The following NUTM1 variants were observed in gnomAD, a reference collection of about 807,000 sequenced individuals.
The protein encoded by NUTM1 is NUT family member 1.
Under a neutral mutation model 88.7 loss-of-function variants are expected in NUTM1, and 39 were observed. The observed-to-expected ratio is 0.44, with a 90% CI of 0.34 to 0.57. The LOEUF is 0.57. Among genes scored for constraint, NUTM1 ranks in the 20% least tolerant of loss-of-function variants. NUTM1 has a pLI of 0.01. For synonymous variants in NUTM1, 494 were observed against 538.0 expected (o/e 0.92, Z 1.13); for missense variants, 1,350 against 1,414.5 (o/e 0.95, Z 0.73).
intron 2 of NUTM1, among the ~76,000 whole-genome samples, chr15:34,346,545 G>A (rs1444434058): frequency 2.8e-4 from 3 of 10,716 alleles, no homozygotes; most frequent in Admixed American, 2.0e-3. Flanking sequence ...ATCTGTTGCA[G>A]AGAAATGCCT....
chr15:34,354,712 C>T lies in NUTM1; in HGVS notation c.1342C>T (p.Gln448Ter). The change falls in exon 6 of 8, where the codon CAG (glutamine) becomes TAG (stop). Residue 448 changes from glutamine to a stop codon, truncating the protein, a stop_gained. Transcript: ENST00000537011. LOFTEE classifies it high-confidence loss of function. ...LLSYINELCS[Q>*]KVFVSKVEAV... ...GAGCTACATCAATGAGCTGTGTTCT[C>T]AGAAGGTCTTTGTCTCCAAGGTGAG... The T allele has an allele frequency of 6.2e-7, 1 of 1,614,178 alleles. No homozygotes were observed. Among genetic ancestry groups the T allele is most frequent in the South Asian group, 1.1e-5 (1 of 91,050 alleles).
In NUTM1 at chr15:34,355,218, C is replaced by A; in HGVS notation, c.1479+81C>A. The A allele has an allele frequency of 2.1e-6, 2 of 971,252 alleles. No individual in the cohort carries two copies. Among genetic ancestry groups the A allele is most frequent in the African/African-American group, 1.6e-5 (1 of 62,146 alleles). The allele number at this position is 971,252 out of a possible 1,614,324, so 60.2% of individuals were successfully genotyped here. On this transcript the variant is annotated intron_variant, in intron 7 of 7. Coordinates refer to ENST00000537011, the MANE Select transcript of NUTM1 (RefSeq NM_001284292.2). This position sits in a 1 kb window ranked among gnomAD's most constrained non-coding sequence, Gnocchi z 4.3. Reference sequence around the variant, plus strand: ...CCCTACACTGTCGTGGGTGATATGGCTCTAGAGATGAACAGCTTCAGGATT... The same window carrying A: ...CCCTACACTGTCGTGGGTGATATGGATCTAGAGATGAACAGCTTCAGGATT...
intron 4 of NUTM1, 143 bp from the exon 5 acceptor site, chr15:34,353,593 C>A: frequency 1.2e-6 from 1 of 861,334 alleles, no homozygotes; most frequent in Non-Finnish European, 1.8e-6. Flanking sequence ...CCACCTGTGA[C>A]CACCCTCCTG....
At chr15:34,349,868 A>G (rs347798) in intron 3 of NUTM1, among the ~76,000 whole-genome samples, 147,162 of 152,282 alleles carry the variant, frequency 0.97, 71,340 homozygotes, top group East Asian at 1. Flanking sequence ...TCTTGAACCA[A>G]TGTGGGCTCT....
In NUTM1 at chr15:34,356,287, G is replaced by T; in HGVS notation, c.2279G>T (p.Gly760Val). 6.2e-7 allele frequency: 1 copy of T among 1,613,264 alleles called. No individual in the cohort carries two copies. The highest frequency in any genetic ancestry group is 8.5e-7 in the Non-Finnish European group (1 of 1,179,616). Reference protein sequence around the residue: ...VWLSSEMDAVGLELPVQIEEV... With the variant: ...VWLSSEMDAVVLELPVQIEEV... ...CTGAGCAGTGAGATGGATGCTGTAG[G>T]CTTGGAGCTGCCTGTACAAATAGAG... The change falls in exon 8 of 8, where the codon GGC (glycine) becomes GTC (valine). Residue 760 changes from glycine (G) to valine (V), a missense_variant. Gly to Val is a moderately radical substitution (Grantham distance 109). Around this residue, in one of 5 missense-constraint regions of NUTM1, gnomAD observed 730 missense variants for 728.8 expected, o/e 1.00. Coordinates refer to ENST00000537011, the MANE Select transcript of NUTM1 (RefSeq NM_001284292.2).
At chr15:34,347,622 A>G (rs59336574) in intron 2 of NUTM1, among the ~76,000 whole-genome samples, 19,700 of 152,018 alleles carry the variant, frequency 0.13, 1,430 homozygotes, top group East Asian at 0.33. Flanking sequence ...GGGAGGCCGA[A>G]GCAGGCGGAT....
intron 4 of NUTM1, among the ~76,000 whole-genome samples, chr15:34,352,755 G>C (rs1042029621): frequency 2.0e-5 from 3 of 151,016 alleles, no homozygotes; most frequent in Admixed American, 6.6e-5. Context: ...GCAGTGAGCC[G>C]AGATTGGGCC....
At position 34,348,243 on chromosome 15, in the gene NUTM1, G is replaced by A; in HGVS notation, c.375G>A (p.Gly125=). ...KVIVKVKTEG[G]SAEPSQTQNF... ...TTGTCAAAGTCAAGACAGAAGGGGGGTCAGCTGAGCCCTCTCAAACTCAGA... is the reference window on the plus strand; with the variant it reads ...TTGTCAAAGTCAAGACAGAAGGGGGATCAGCTGAGCCCTCTCAAACTCAGA... The change falls in exon 3 of 8, where the codon GGG becomes GGA. Residue 125 remains glycine (G), a synonymous_variant. Coordinates refer to ENST00000537011, the MANE Select transcript of NUTM1 (RefSeq NM_001284292.2). The A allele has an allele frequency of 1.9e-6, 3 of 1,614,248 alleles. No individual in the cohort carries two copies. Among genetic ancestry groups the A allele is most frequent in the Non-Finnish European group, 2.5e-6 (3 of 1,180,050 alleles).
chr15:34,353,693 G>T, intron 4 of NUTM1, 43 bp from the exon 5 acceptor site: 1 of 1,611,932 alleles, frequency 6.2e-7, no homozygotes, highest in Non-Finnish European at 8.5e-7. Flanking sequence ...GATGGGTCTG[G>T]TCTCCTTCTC....
chr15:34,348,043 C>G lies in NUTM1; in HGVS notation c.175C>G (p.Leu59Val). The G allele has an allele frequency of 6.2e-7, 1 of 1,614,122 alleles. No individual in the cohort carries two copies. The highest frequency in any genetic ancestry group is 8.5e-7 in the Non-Finnish European group (1 of 1,180,020). ...APSPSPALPFLPPTSDPPDHP... is the reference protein window; with the variant it reads ...APSPSPALPFVPPTSDPPDHP... ...GTCTCCATCCCCTGCACTTCCCTTT[C>G]TCCCACCAACTTCTGACCCACCAGA... The change falls in exon 3 of 8, where the codon CTC (leucine) becomes GTC (valine). Residue 59 changes from leucine (L) to valine (V), a missense_variant. By Grantham distance (32) the Leu-to-Val change is conservative. This residue lies in a region of NUTM1 where 399 missense variants were observed against 397.9 expected (regional missense o/e 1.00). Transcript: ENST00000537011.
Position 34,350,786 on chromosome 15 carries a change from C to T in NUTM1, c.892C>T (p.His298Tyr), listed in dbSNP as rs745602904. Residue 298 changes from histidine to tyrosine, a missense_variant, in exon 4 of 8, where the codon CAC (histidine) becomes TAC (tyrosine). This residue lies in a region of NUTM1 where 399 missense variants were observed against 397.9 expected (regional missense o/e 1.00). Coordinates refer to ENST00000537011, the MANE Select transcript of NUTM1 (RefSeq NM_001284292.2). ...GCCATTGGCTGTGCAGGAGTGGGAGCACACCAGCAACTTTGACCGGATGAT... is the reference window on the plus strand; with the variant it reads ...GCCATTGGCTGTGCAGGAGTGGGAGTACACCAGCAACTTTGACCGGATGAT... ...GLPLAVQEWE[H>Y]TSNFDRMIFY... is the part of the protein sequence containing the mutation. The T allele has an allele frequency of 6.2e-7, 1 of 1,614,022 alleles. No individual in the cohort carries two copies. The highest frequency in any genetic ancestry group is 1.3e-5 in the African/African-American group (1 of 75,020).
At position 34,346,014 on chromosome 15, in the gene NUTM1, G is replaced by C; in HGVS notation, c.79G>C (p.Glu27Gln). The change falls in exon 2 of 8, where the codon GAG (glutamate) becomes CAG (glutamine). Residue 27 changes from glutamate to glutamine, a missense_variant. By Grantham distance (29) the Glu-to-Gln change is conservative. Coordinates refer to ENST00000537011, the MANE Select transcript of NUTM1 (RefSeq NM_001284292.2). ...SRQPQLVPKPERMASDGASAL... is the reference protein window; with the variant it reads ...SRQPQLVPKPQRMASDGASAL... ...ACAGCCACAGTTAGTGCCCAAACCT[G>C]AGAGGATGGCTTCAGATGGAGGTAA... 6.2e-7 allele frequency: 1 copy of C among 1,614,222 alleles called. No homozygotes were observed. Among genetic ancestry groups the C allele is most frequent in the Non-Finnish European group, 8.5e-7 (1 of 1,180,042 alleles).
In NUTM1 at chr15:34,356,646, G is replaced by T. The variant is rs757748329; in HGVS notation, c.2638G>T (p.Gly880Trp). 6.2e-7 allele frequency: 1 copy of T among 1,613,780 alleles called. No homozygotes were observed. The highest frequency in any genetic ancestry group is 8.5e-7 in the Non-Finnish European group (1 of 1,179,924). The stretch of plus-strand genomic sequence containing the variant: ...GCTAGAAAGTGGTGATTCCACACTG[G>T]GGTCTTCCAAAGAAACCCTTCCACC... ...PLLESGDSTL[G>W]SSKETLPPTC... The change falls in exon 8 of 8, where the codon GGG becomes TGG. Residue 880 changes from glycine to tryptophan, a missense_variant. Coordinates refer to ENST00000537011, the MANE Select transcript of NUTM1 (RefSeq NM_001284292.2).
At position 34,355,488 on chromosome 15, in the gene NUTM1, C is replaced by T. The variant is rs1292310808; in HGVS notation, c.1480C>T (p.Leu494=). Residue 494 remains leucine, a splice_region_variant and synonymous_variant, in exon 8 of 8, where the codon CTG becomes TTG. Transcript: ENST00000537011. The surrounding 1 kb of genome is among the most constrained non-coding windows in gnomAD (Gnocchi z 4.3). ...CTGACTATTTGTTCATTTCTTTCAG[C>T]TGGTCCAGAAGCGACTCATGGCCTT... ...EQEEGLTLAQ[L]VQKRLMALEE... The T allele has an allele frequency of 6.2e-7, 1 of 1,614,072 alleles. No homozygotes were observed. Among genetic ancestry groups the T allele is most frequent in the South Asian group, 1.1e-5 (1 of 91,070 alleles).
rs547965527 is a variant in NUTM1, at chr15:34,348,596, G to A, written c.728G>A (p.Arg243His). 92 of 1,612,282 alleles carry A rather than the reference G, an allele frequency of 5.7e-5. No homozygotes were observed. Among genetic ancestry groups the A allele is most frequent in the Middle Eastern group, 1.6e-4 (1 of 6,062 alleles). Residue 243 changes from arginine to histidine, a missense_variant, in exon 3 of 8, where the codon CGT (arginine) becomes CAT (histidine). By Grantham distance (29) the Arg-to-His change is conservative. Coordinates refer to ENST00000537011, the MANE Select transcript of NUTM1 (RefSeq NM_001284292.2). Reference sequence around the variant, plus strand: ...TCCAAGGACGTTTATGAGAACTTCCGTCAGTGGCAGCGTTACAAAGCCTTG... The same window carrying A: ...TCCAAGGACGTTTATGAGAACTTCCATCAGTGGCAGCGTTACAAAGCCTTG... ...KISKDVYENF[R>H]QWQRYKALAR...
Position 34,357,417 on chromosome 15 carries a change from C to T in NUTM1, c.3409C>T (p.Pro1137Ser). 1.9e-6 allele frequency: 3 copies of T among 1,614,058 alleles called. No homozygotes were observed. The highest frequency in any genetic ancestry group is 2.5e-6 in the Non-Finnish European group (3 of 1,179,978). ...ACCCCTAGCTCTGGGAGTAGTTCGACCCTCACAGCCTCGTAAAAGGCGGTG... is the reference window on the plus strand; with the variant it reads ...ACCCCTAGCTCTGGGAGTAGTTCGATCCTCACAGCCTCGTAAAAGGCGGTG... ...EKPLALGVVR[P>S]SQPRKRRCDS... The change falls in exon 8 of 8, where the codon CCC becomes TCC. Residue 1137 changes from proline (P) to serine (S), a missense_variant. Around this residue, in one of 5 missense-constraint regions of NUTM1, gnomAD observed 730 missense variants for 728.8 expected, o/e 1.00. Transcript: ENST00000537011.
intron 5 of NUTM1, among the ~76,000 whole-genome samples, 163 bp from the exon 6 acceptor site, chr15:34,354,283 T>G (rs1890758934): frequency 6.6e-6 from 1 of 152,204 alleles, no homozygotes; most frequent in African/African-American, 2.4e-5. Context: ...ACCATTTCAA[T>G]GTACCCAGAT....
Position 34,343,575 on chromosome 15 carries a change from A to G in NUTM1, c.-122A>G, listed in dbSNP as rs1253157789. On this transcript the variant is annotated 5_prime_UTR_variant, in exon 1 of 8. Transcript: ENST00000537011. The stretch of plus-strand genomic sequence containing the variant: ...CGTTGGCGGTAAAGAATGCATGTTG[A>G]GTATCAATATTCCGTAAAGCGAAAG... The G allele has an allele frequency of 6.5e-6, 10 of 1,533,024 alleles. No individual in the cohort carries two copies. Among genetic ancestry groups the G allele is most frequent in the African/African-American group, 1.4e-5 (1 of 72,974 alleles). 95.0% of individuals were successfully genotyped at this position (1,533,024 alleles called of 1,614,324 possible).
At chr15:34,350,629 G>A (rs939212449) in intron 3 of NUTM1, 75 bp from the exon 4 acceptor site, 8 of 1,543,868 alleles carry the variant, frequency 5.2e-6, no homozygotes, top group Non-Finnish European at 7.0e-6. Flanking sequence ...CAGGGGATGT[G>A]TTATTGATGT....
Sources: gnomAD v4.1 joint callset for allele counts (sites outside exome capture counted in the v4.1 genomes callset) on GRCh38, gnomAD v4.1.1 for gene constraint, gnomAD v4.1.1 regional missense constraint, Gnocchi (gnomAD v3.1) non-coding constraint, MANE v1.5 for transcripts, NCBI Gene and HGNC (gene_info 2026-07-23, HGNC 2026-07-21) for gene names.